Variants in COL25A1 observed in about 807,000 individuals in gnomAD.
COL25A1 encodes collagen type XXV alpha 1 chain.
A neutral mutation model predicts 128.4 loss-of-function variants in COL25A1; 103 were observed. The ratio of observed to expected loss-of-function variants is 0.80; its 90% CI spans 0.68 to 0.94. The LOEUF (loss-of-function observed/expected upper bound fraction) is 0.94. Ranked by LOEUF, COL25A1 falls within the 40% of genes least tolerant of loss-of-function variation. The pLI is 0.00. For synonymous variants in COL25A1, 279 were observed against 277.2 expected (o/e 1.01, Z -0.06); for missense variants, 745 against 840.0 (o/e 0.89, Z 1.40).
chr4:109,186,142 A>G (rs1775110444), intron 3 of COL25A1, among the ~76,000 whole-genome samples: 1 of 152,178 alleles, frequency 6.6e-6, no homozygotes, highest in African/African-American at 2.4e-5. Flanking sequence ...GAATGAGATG[A>G]AAGAGAAGCA....
In COL25A1 at chr4:108,926,821, C is replaced by T. The variant is rs144638264; in HGVS notation, c.709-6217G>A. ...TAAACTCTAGCCACTATTATATGTA[C>T]GTCTGGAGTGTAATTCAATTGATGT... On this transcript the variant is annotated intron_variant, in intron 11 of 37. Transcript: ENST00000399132. Among the ~76,000 whole-genome samples, 13 of 151,874 alleles carry T rather than the reference C, an allele frequency of 8.6e-5. No homozygotes were observed. In the East Asian group the frequency reaches 1.4e-3, roughly 16 times the overall value.
At chr4:108,840,728 C>T (rs1277445082) in intron 31 of COL25A1, among the ~76,000 whole-genome samples, 1 of 152,146 alleles carries the variant, frequency 6.6e-6, no homozygotes, top group Non-Finnish European at 1.5e-5. Flanking sequence ...GTTCATGAAC[C>T]TTCTTTCAAG....
chr4:109,077,229 A>C (rs1489397877), intron 3 of COL25A1, among the ~76,000 whole-genome samples: 1 of 152,238 alleles, frequency 6.6e-6, no homozygotes, highest in Non-Finnish European at 1.5e-5. Context: ...ATTTTTAAAA[A>C]CAATAAACTT....
rs1337709841 is a variant in COL25A1, at chr4:108,951,361, A to AT, written c.493-9925dup. The stretch of plus-strand genomic sequence containing the variant: ...AAATCCAAAGTCTCTGAAGATAAAC[A>AT]TTTTTTCATTTTTAGAAACTTTTTT... On this transcript the variant is annotated intron_variant, in intron 8 of 37. Transcript: ENST00000399132. Among the ~76,000 whole-genome samples, 4 of 150,208 alleles carry AT rather than the reference A, an allele frequency of 2.7e-5. No homozygotes were observed. In the East Asian group the frequency reaches 5.8e-4, roughly 22 times the overall value.
chr4:108,895,715 T>G (rs538292110), intron 16 of COL25A1, among the ~76,000 whole-genome samples: 2 of 152,216 alleles, frequency 1.3e-5, no homozygotes, highest in Non-Finnish European at 2.9e-5. Flanking sequence ...AATCAAACTT[T>G]TCTTTTTAAA....
intron 3 of COL25A1, among the ~76,000 whole-genome samples, chr4:109,218,366 T>TTTTTTG (rs1560887256): frequency 7.5e-5 from 10 of 134,034 alleles, no homozygotes; most frequent in East Asian, 4.2e-4. Context: ...GGTTTTTTTT[T>TTTTTTG]TTTTTTTTTT....
At chr4:109,227,253 C>T (rs1414768761) in intron 3 of COL25A1, among the ~76,000 whole-genome samples, 2 of 125,514 alleles carry the variant, frequency 1.6e-5, no homozygotes, top group African/African-American at 3.6e-5. Context: ...GAGTCAAATT[C>T]GCAGCAAAAA....
At chr4:108,989,431 A>C (rs1264362328) in intron 6 of COL25A1, among the ~76,000 whole-genome samples, 2 of 152,154 alleles carry the variant, frequency 1.3e-5, no homozygotes, top group African/African-American at 4.8e-5. Flanking sequence ...GGTGTGCTAT[A>C]ACTCTTCTAA....
rs184508467 is a variant in COL25A1, at chr4:109,134,623, C to A, written c.368-84444G>T. ...GAAGAAAAAGCTAAGAAGAATATCA[C>A]CCGGACTTGGTTATTAGATAATCAC... On this transcript the variant is annotated intron_variant, in intron 3 of 37. Coordinates refer to ENST00000399132, the MANE Select transcript of COL25A1 (RefSeq NM_198721.4). 3.9e-5 allele frequency among the ~76,000 whole-genome samples: 6 copies of A among 152,166 alleles called. No individual in the cohort carries two copies. The East Asian group carries it at 1.2e-3, about 29-fold the overall frequency.
At chr4:109,036,973 G>A (rs1401999136) in intron 5 of COL25A1, among the ~76,000 whole-genome samples, 2 of 152,134 alleles carry the variant, frequency 1.3e-5, no homozygotes, top group African/African-American at 4.8e-5. Context: ...TACTACAGTT[G>A]AATGAAATTA....
intron 8 of COL25A1, among the ~76,000 whole-genome samples, chr4:108,954,820 G>A (rs1023948954): frequency 3.3e-5 from 5 of 151,964 alleles, no homozygotes; most frequent in Non-Finnish European, 7.4e-5. Flanking sequence ...GAGAAAAAAA[G>A]GGAATGACAA....
chr4:109,037,481 A>G (rs1012680749), intron 5 of COL25A1, among the ~76,000 whole-genome samples: 1 of 152,188 alleles, frequency 6.6e-6, no homozygotes, highest in African/African-American at 2.4e-5. Flanking sequence ...GCTACCCTCA[A>G]TCCTTGGCCA....
At chr4:108,833,071 C>T (rs1016430571) in intron 31 of COL25A1, among the ~76,000 whole-genome samples, 33 of 151,848 alleles carry the variant, frequency 2.2e-4, no homozygotes, top group Middle Eastern at 3.4e-3. Flanking sequence ...GTCACCTCTT[C>T]CTCAAGCCCT....
At chr4:109,186,808 T>A (rs1775177238) in intron 3 of COL25A1, among the ~76,000 whole-genome samples, 1 of 152,236 alleles carries the variant, frequency 6.6e-6, no homozygotes, top group Non-Finnish European at 1.5e-5. Context: ...CAGGAGTTCA[T>A]TTGATTAGAG....
intron 12 of COL25A1, among the ~76,000 whole-genome samples, chr4:108,918,681 T>C (rs1036579698): frequency 3.3e-5 from 5 of 152,266 alleles, no homozygotes; most frequent in Non-Finnish European, 5.9e-5. Context: ...AAATTTGTTT[T>C]ATTTTAAGCA....
At chr4:108,815,004 A>G (rs925307478) in intron 37 of COL25A1, among the ~76,000 whole-genome samples, 3 of 152,208 alleles carry the variant, frequency 2.0e-5, no homozygotes, top group Admixed American at 6.5e-5. Context: ...AGTTCACTCA[A>G]TATTCTTGCC....
intron 3 of COL25A1, among the ~76,000 whole-genome samples, chr4:109,149,881 G>A (rs1387219942): frequency 6.6e-6 from 1 of 152,000 alleles, no homozygotes; most frequent in African/African-American, 2.4e-5. Flanking sequence ...CCATTTCTAG[G>A]TTCACACCTA....
intron 11 of COL25A1, 36 bp from the exon 12 acceptor site, chr4:108,920,640 G>A (rs1745394877): frequency 1.3e-6 from 2 of 1,563,946 alleles, no homozygotes; most frequent in Non-Finnish European, 1.7e-6. Flanking sequence ...ACATACTATT[G>A]TAGCCATTTA....
At chr4:109,209,717 A>G (rs1198353261) in intron 3 of COL25A1, among the ~76,000 whole-genome samples, 7 of 152,240 alleles carry the variant, frequency 4.6e-5, no homozygotes, top group African/African-American at 1.7e-4. Flanking sequence ...CCCACTGTTT[A>G]CTACTGTATC....
Sources: gnomAD v4.1 joint callset for allele counts (sites outside exome capture counted in the v4.1 genomes callset) on GRCh38, gnomAD v4.1.1 for gene constraint, MANE v1.5 for transcripts, NCBI Gene and HGNC (gene_info 2026-07-23, HGNC 2026-07-21) for gene names.